CBLB: variants seen among roughly 807,000 people sequenced by gnomAD.
CBLB encodes the protein E3 ubiquitin-protein ligase CBL-B.
CBLB carries 31 observed loss-of-function variants against 104.9 expected under a neutral mutation model. That is an observed-to-expected ratio of 0.30 (90% CI 0.22 to 0.40). The LOEUF (loss-of-function observed/expected upper bound fraction) is 0.40. Among genes scored for constraint, CBLB ranks in the 10% least tolerant of loss-of-function variants. CBLB has a pLI of 1.00. For missense variants in CBLB, 1,062 were observed against 1,214.6 expected, an observed-to-expected ratio of 0.87 and a Z score of 1.87; for synonymous variants, 440 against 422.6, an observed-to-expected ratio of 1.04 and a Z score of -0.51.
chr3:105,707,274 G>GT (rs1296471934), intron 10 of CBLB, among the ~76,000 whole-genome samples: 2 of 152,166 alleles, frequency 1.3e-5, no homozygotes, highest in Non-Finnish European at 2.9e-5. Context: ...TGTTCTGAAG[G>GT]TGATTATGTA....
At chr3:105,869,347 T>C (rs1706767538), upstream of CBLB, 1 of 1,335,506 alleles carries the variant, frequency 7.5e-7, no homozygotes. Flanking sequence ...CAATAAGGGG[T>C]GGCAGGTGGG....
In CBLB at chr3:105,659,007, G is replaced by C; in HGVS notation, c.2912C>G (p.Ala971Gly). The change falls in exon 19 of 19, where the codon GCC becomes GGC. Residue 971 changes from alanine to glycine, a missense_variant. Around this residue, in one of 2 missense-constraint regions of CBLB, gnomAD observed 605 missense variants for 582.6 expected, o/e 1.04. Transcript: ENST00000394030. ...ACGTGGGGATACTGGAGGAGGGAAG[G>C]CAAATTCTCGGAGGATGCTCCGGGC... ...EVARSILREF[A>G]FPPPVSPRLN... 1.9e-6 allele frequency: 3 copies of C among 1,613,918 alleles called. No homozygotes were observed. The highest frequency in any genetic ancestry group is 2.5e-6 in the Non-Finnish European group (3 of 1,179,874).
chr3:105,728,064 T>A (rs1401929301), intron 9 of CBLB, among the ~76,000 whole-genome samples: 1 of 152,184 alleles, frequency 6.6e-6, no homozygotes, highest in Non-Finnish European at 1.5e-5. Context: ...AAGTAGTTTT[T>A]TCTAAGTCTG....
At chr3:105,817,494 T>C (rs947817588) in intron 3 of CBLB, among the ~76,000 whole-genome samples, 1 of 152,080 alleles carries the variant, frequency 6.6e-6, no homozygotes, top group Non-Finnish European at 1.5e-5. Context: ...ATGAGAACCC[T>C]ACAAGAGGAA....
At chr3:105,673,085 T>C (rs1011156758) in intron 17 of CBLB, 1 of 151,056 alleles carries the variant, frequency 6.6e-6, no homozygotes, top group African/African-American at 2.4e-5. Context: ...TTTTTTTTTT[T>C]TGAGAGAGCG....
chr3:105,830,760 G>A (rs2087381809), intron 3 of CBLB, among the ~76,000 whole-genome samples: 2 of 152,160 alleles, frequency 1.3e-5, no homozygotes, highest in African/African-American at 2.4e-5. Context: ...GAAGTACAAT[G>A]TCTACTTCTC....
intron 17 of CBLB, chr3:105,672,325 T>C (rs1386515471): frequency 1.1e-5 from 2 of 180,554 alleles, no homozygotes; most frequent in African/African-American, 4.7e-5. Flanking sequence ...TTATTATAAA[T>C]AGCAAAAATA....
At position 105,853,122 on chromosome 3, in the gene CBLB, T is replaced by C. The variant is rs145520332; in HGVS notation, c.419+292A>G. ...GCCCACAGTATTCAGTACAGTAACA[T>C]ACTGTATAGATTTGCAGCCTAGGAG... On this transcript the variant is annotated intron_variant, in intron 3 of 18. Transcript: ENST00000394030. Among the ~76,000 whole-genome samples, 769 of 152,352 alleles carry C rather than the reference T, an allele frequency of 5.0e-3. 3 individuals carry two copies. Among genetic ancestry groups the C allele is most frequent in the Middle Eastern group, 0.01 (3 of 294 alleles).
intron 3 of CBLB, among the ~76,000 whole-genome samples, chr3:105,829,884 A>G (rs1316540901): frequency 6.6e-6 from 1 of 152,112 alleles, no homozygotes; most frequent in African/African-American, 2.4e-5. Context: ...TCTATTACAT[A>G]TATTTGAAGT....
At chr3:105,673,075 T>C (rs2065238124) in intron 17 of CBLB, 1 of 150,746 alleles carries the variant, frequency 6.6e-6, no homozygotes, top group Non-Finnish European at 1.5e-5. Flanking sequence ...GGATTTTTTT[T>C]TTTTTTTTTT....
intron 18 of CBLB, among the ~76,000 whole-genome samples, chr3:105,662,426 T>C (rs1330713849): frequency 6.6e-6 from 1 of 152,198 alleles, no homozygotes; most frequent in African/African-American, 2.4e-5. Context: ...ACATCATCCT[T>C]AAAAATAGTT....
At chr3:105,861,712 T>TACAC (rs147976333) in intron 2 of CBLB, among the ~76,000 whole-genome samples, 18 of 138,974 alleles carry the variant, frequency 1.3e-4, no homozygotes, top group East Asian at 1.3e-3. Flanking sequence ...CACACATACA[T>TACAC]ACACACACAC....
intron 3 of CBLB, among the ~76,000 whole-genome samples, chr3:105,833,189 A>G (rs1441568696): frequency 6.6e-6 from 1 of 152,236 alleles, no homozygotes; most frequent in East Asian, 1.9e-4. Flanking sequence ...TTGTCTTATT[A>G]CTTCTCTAGG....
rs188017714 is a variant in CBLB at position 105,866,391 on chromosome 3, C to G, written c.168+1019G>C. On this transcript the variant is annotated intron_variant, in intron 2 of 18. Transcript: ENST00000394030. ...GATTTCATGGATGCTTTGGCACATC[C>G]TTACACAGAAATTTGTTTTTAAAAC... Among the ~76,000 whole-genome samples, 5 of 152,258 alleles carry G rather than the reference C, an allele frequency of 3.3e-5. No homozygotes were observed. The East Asian group carries it at 9.6e-4, about 29-fold the overall frequency.
chr3:105,776,011 C>T (rs1164658611), intron 4 of CBLB, among the ~76,000 whole-genome samples: 1 of 152,164 alleles, frequency 6.6e-6, no homozygotes, highest in African/African-American at 2.4e-5. Context: ...TAAATTGTCA[C>T]AGCAATTTAC....
intron 2 of CBLB, 81 bp downstream of exon 2, chr3:105,867,329 A>T: frequency 8.3e-7 from 1 of 1,202,790 alleles, no homozygotes; most frequent in Non-Finnish European, 1.2e-6. Context: ...GGTTGGTATT[A>T]ATTAACAGTA....
rs762099221 is a variant in CBLB at position 105,776,565 on chromosome 3, T to C, written c.420-23A>G. 9 of 1,611,630 alleles carry C rather than the reference T, an allele frequency of 5.6e-6. No individual in the cohort carries two copies. The African/African-American group carries it at 1.1e-4, about 19-fold the overall frequency. ...CGTCTGTAGGCACAAGGGAAAAAAA[T>C]GAAGATAAGAAATAAACACCTAGAT... On this transcript the variant is annotated intron_variant, in intron 3 of 18. Coordinates refer to ENST00000394030, the MANE Select transcript of CBLB (RefSeq NM_170662.5).
chr3:105,858,088 T>C (rs2091781800), intron 2 of CBLB, among the ~76,000 whole-genome samples: 1 of 152,058 alleles, frequency 6.6e-6, no homozygotes, highest in Non-Finnish European at 1.5e-5. Context: ...TGTGAGTGAG[T>C]AGTACGAGAG....
chr3:105,842,350 T>C (rs1269205155), intron 3 of CBLB, among the ~76,000 whole-genome samples: 1 of 152,236 alleles, frequency 6.6e-6, no homozygotes, highest in Non-Finnish European at 1.5e-5. Context: ...TTCGCAGTCC[T>C]TGACAATATA....
Sources: gnomAD v4.1 joint callset for allele counts (sites outside exome capture counted in the v4.1 genomes callset) on GRCh38, gnomAD v4.1.1 for gene constraint, gnomAD v4.1.1 regional missense constraint, MANE v1.5 for transcripts, NCBI Gene and HGNC (gene_info 2026-07-23, HGNC 2026-07-21) for gene names.